The following LRMDA variants were observed in gnomAD, a reference collection of about 807,000 sequenced individuals.
LRMDA encodes the protein leucine rich melanocyte differentiation associated.
Under a neutral mutation model 29.8 loss-of-function variants are expected in LRMDA, and 18 were observed. That is an observed-to-expected ratio of 0.60 (90% confidence interval 0.42 to 0.90). LRMDA has a LOEUF of 0.90. Among genes scored for constraint, LRMDA ranks in the 40% least tolerant of loss-of-function variants. The pLI, the probability that LRMDA is intolerant of heterozygous loss-of-function variation, is 0.00. For synonymous variants in LRMDA, 125 were observed against 109.4 expected (o/e 1.14, Z -0.89); for missense variants, 273 against 273.9 (o/e 1.00, Z 0.02).
At chr10:75,770,895 A>T (rs1005679064) in intron 2 of LRMDA, among the ~76,000 whole-genome samples, 1 of 152,170 alleles carries the variant, frequency 6.6e-6, no homozygotes, top group Admixed American at 6.5e-5. Context: ...GTCCAGAGGG[A>T]GATAGCTGTG....
chr10:75,950,894 T>C (rs1439029139), intron 2 of LRMDA, among the ~76,000 whole-genome samples: 1 of 152,216 alleles, frequency 6.6e-6, no homozygotes, highest in African/African-American at 2.4e-5. Flanking sequence ...TCTATGTTGA[T>C]GTTTCATTGA....
chr10:76,380,466 G>A (rs1301362967), intron 6 of LRMDA, among the ~76,000 whole-genome samples: 3 of 151,988 alleles, frequency 2.0e-5, no homozygotes, highest in African/African-American at 4.8e-5. Context: ...TCAGGAGATC[G>A]AGACCATCCT....
intron 2 of LRMDA, among the ~76,000 whole-genome samples, chr10:75,864,339 A>C (rs1453946818): frequency 6.6e-6 from 1 of 152,120 alleles, no homozygotes; most frequent in Non-Finnish European, 1.5e-5. Context: ...TGCTCTATGA[A>C]CCTATGGGAC....
intron 2 of LRMDA, among the ~76,000 whole-genome samples, chr10:75,646,963 G>A (rs989734442): frequency 6.6e-6 from 1 of 152,200 alleles, no homozygotes; most frequent in Non-Finnish European, 1.5e-5. Flanking sequence ...GTTGGCAAGA[G>A]GGAAATATGT....
At chr10:75,502,617 C>G (rs891171606) in intron 2 of LRMDA, among the ~76,000 whole-genome samples, 1 of 152,152 alleles carries the variant, frequency 6.6e-6, no homozygotes, top group African/African-American at 2.4e-5. Flanking sequence ...GGCCTCAGGG[C>G]CTGGTTGGCC....
intron 5 of LRMDA, among the ~76,000 whole-genome samples, chr10:76,298,811 G>A (rs1190860238): frequency 6.6e-6 from 1 of 152,134 alleles, no homozygotes; most frequent in African/African-American, 2.4e-5. Context: ...ACTGTATGAT[G>A]GAAGGTCCAA....
intron 2 of LRMDA, among the ~76,000 whole-genome samples, chr10:75,534,363 A>G (rs1364059992): frequency 3.3e-5 from 5 of 152,208 alleles, no homozygotes; most frequent in African/African-American, 1.2e-4. Flanking sequence ...ACTTTAAAAC[A>G]GAAGTTAAGA....
intron 5 of LRMDA, among the ~76,000 whole-genome samples, chr10:76,140,404 A>C (rs1850177107): frequency 1.3e-5 from 2 of 152,058 alleles, no homozygotes; most frequent in African/African-American, 4.8e-5. Flanking sequence ...ATACCTACCC[A>C]GTATATGTCT....
chr10:75,728,187 G>GC (rs1469390123), intron 2 of LRMDA, among the ~76,000 whole-genome samples: 1 of 152,154 alleles, frequency 6.6e-6, no homozygotes, highest in Non-Finnish European at 1.5e-5. Context: ...TGACTGCAAA[G>GC]CCTGTGCTTT....
At chr10:76,547,131 T>G (rs1220405247) in intron 6 of LRMDA, among the ~76,000 whole-genome samples, 1 of 152,228 alleles carries the variant, frequency 6.6e-6, no homozygotes, top group East Asian at 1.9e-4. Context: ...TTTTACTTTT[T>G]TGACTGTCAA....
chr10:75,788,241 T>A (rs535114127), intron 2 of LRMDA, among the ~76,000 whole-genome samples: 2 of 152,108 alleles, frequency 1.3e-5, no homozygotes, highest in African/African-American at 4.8e-5. Flanking sequence ...AAAATGGGAG[T>A]TTTAGTTTCT....
intron 6 of LRMDA, among the ~76,000 whole-genome samples, chr10:76,350,179 A>T (rs949107757): frequency 1.3e-4 from 20 of 151,898 alleles, no homozygotes; most frequent in Admixed American, 5.2e-4. Flanking sequence ...CAAAAAAAAA[A>T]ATAAATAAAT....
intron 5 of LRMDA, among the ~76,000 whole-genome samples, chr10:76,303,427 T>C (rs941777692): frequency 1.3e-5 from 2 of 152,118 alleles, no homozygotes; most frequent in African/African-American, 4.8e-5. Context: ...TTTGTTCCAC[T>C]TCTGTGGAAG....
At chr10:75,512,425 C>T (rs1480420888) in intron 2 of LRMDA, among the ~76,000 whole-genome samples, 1 of 151,714 alleles carries the variant, frequency 6.6e-6, no homozygotes, top group Non-Finnish European at 1.5e-5. Flanking sequence ...GACCATTTTG[C>T]TCCAGGAAAA....
intron 6 of LRMDA, among the ~76,000 whole-genome samples, chr10:76,460,751 T>C (rs1842503788): frequency 6.6e-6 from 1 of 152,218 alleles, no homozygotes; most frequent in Non-Finnish European, 1.5e-5. Flanking sequence ...TTCATTTCCC[T>C]ACTCTCCAAA....
Position 76,363,956 on chromosome 10 carries a change from TC to T in LRMDA, c.601+39472del, listed in dbSNP as rs572396238. Among the ~76,000 whole-genome samples the T allele has an allele frequency of 1.1e-3, 164 of 152,152 alleles. 1 individual carries two copies. The highest frequency in any genetic ancestry group is 3.8e-3 in the African/African-American group (158 of 41,456). On this transcript the variant is annotated intron_variant, in intron 6 of 6. Transcript: ENST00000611255. ...CTCTAATAACTTTGGGAAGATCACT[TC>T]ACCTTTTAAGGCCCAGTTTGCTTTG... is the stretch of plus-strand genomic sequence containing the variant.
intron 5 of LRMDA, among the ~76,000 whole-genome samples, chr10:76,311,754 T>C (rs1351032838): frequency 1.2e-4 from 19 of 152,174 alleles, no homozygotes; most frequent in Admixed American, 1.2e-3. Flanking sequence ...TATACTTGCA[T>C]TTACTCCTAA....
chr10:76,062,223 G>T (rs1233658320), intron 5 of LRMDA, among the ~76,000 whole-genome samples: 1 of 152,192 alleles, frequency 6.6e-6, no homozygotes, highest in Non-Finnish European at 1.5e-5. Context: ...AAGGCCTGTT[G>T]TGCTTATTCA....
chr10:75,976,641 G>T (rs1194929701), intron 2 of LRMDA, among the ~76,000 whole-genome samples: 1 of 152,140 alleles, frequency 6.6e-6, no homozygotes, highest in East Asian at 1.9e-4. Context: ...ATTACTATTT[G>T]CCAGGCATTG....
Sources: gnomAD v4.1 joint callset for allele counts (sites outside exome capture counted in the v4.1 genomes callset) on GRCh38, gnomAD v4.1.1 for gene constraint, MANE v1.5 for transcripts, NCBI Gene and HGNC (gene_info 2026-07-23, HGNC 2026-07-21) for gene names.